The following MRFAP1L2 variants were observed in gnomAD, a reference collection of about 807,000 sequenced individuals.
MRFAP1L2 encodes the protein Morf4 family associated protein 1 like 2.
the MRFAP1L2 span, chr4:6,674,198 A>C: frequency 2.3e-5 from 9 of 393,006 alleles, no homozygotes; most frequent in Admixed American, 9.0e-5. Flanking sequence ...GCGGGCTGGA[A>C]GAGGCGGCGG....
the MRFAP1L2 span, chr4:6,674,341 G>A: frequency 1.6e-6 from 1 of 633,034 alleles, no homozygotes; most frequent in South Asian, 1.7e-5. Context: ...GGGCGCACTG[G>A]CGGGCCCGCA....
At chr4:6,674,826 A>G in the MRFAP1L2 span, 1 of 431,366 alleles carries the variant, frequency 2.3e-6, no homozygotes, top group Non-Finnish European at 4.1e-6. Flanking sequence ...GCGGAGGTAC[A>G]TGCTGGAAAC....
the MRFAP1L2 span, chr4:6,674,542 C>T: frequency 1.5e-6 from 1 of 664,660 alleles, no homozygotes; most frequent in Non-Finnish European, 2.7e-6. Flanking sequence ...TGGAGCTGCA[C>T]CAGCGGATCG....
At chr4:6,674,953 T>C in the MRFAP1L2 span, 1 of 176,250 alleles carries the variant, frequency 5.7e-6, no homozygotes, top group African/African-American at 2.4e-5. Context: ...AAGCTCAAAA[T>C]TTATGTTGTG....
chr4:6,675,669 G>C, the MRFAP1L2 span: 2 of 152,204 alleles, frequency 1.3e-5, no homozygotes, highest in African/African-American at 4.8e-5. Flanking sequence ...CGTGTAACCT[G>C]TCTGGTGAGC....
chr4:6,674,539 G>T, the MRFAP1L2 span: 1 of 665,368 alleles, frequency 1.5e-6, no homozygotes, highest in Non-Finnish European at 2.7e-6. Context: ...TCGTGGAGCT[G>T]CACCAGCGGA....
the MRFAP1L2 span, chr4:6,674,468 G>A: frequency 3.0e-6 from 2 of 662,760 alleles, no homozygotes; most frequent in Non-Finnish European, 5.4e-6. Flanking sequence ...GGAGCGGGTG[G>A]CTCGGCTGTG....
At chr4:6,674,465 G>T in the MRFAP1L2 span, 6 of 661,666 alleles carry the variant, frequency 9.1e-6, no homozygotes, top group Non-Finnish European at 1.6e-5. Flanking sequence ...TGAGGAGCGG[G>T]TGGCTCGGCT....
the MRFAP1L2 span, chr4:6,674,439 G>C: frequency 7.6e-6 from 5 of 656,728 alleles, no homozygotes; most frequent in African/African-American, 1.9e-5. Context: ...CCAGCACCCC[G>C]CCCGCGTGCG....
chr4:6,674,323 G>C, the MRFAP1L2 span: 1 of 620,460 alleles, frequency 1.6e-6, no homozygotes. Context: ...TGGAGCGCGA[G>C]CGCGCCCGGG....
At chr4:6,674,825 C>G in the MRFAP1L2 span, 1 of 435,868 alleles carries the variant, frequency 2.3e-6, no homozygotes. Flanking sequence ...AGCGGAGGTA[C>G]ATGCTGGAAA....
At chr4:6,674,804 G>A in the MRFAP1L2 span, 1 of 466,768 alleles carries the variant, frequency 2.1e-6, no homozygotes, top group Non-Finnish European at 3.8e-6. Flanking sequence ...CGTGGGGGGA[G>A]AGAGGTGTGA....
At chr4:6,674,802 G>T in the MRFAP1L2 span, 2 of 468,498 alleles carry the variant, frequency 4.3e-6, no homozygotes, top group Non-Finnish European at 7.5e-6. Context: ...TACGTGGGGG[G>T]AGAGAGGTGT....
chr4:6,674,470 T>C, the MRFAP1L2 span: 1 of 662,942 alleles, frequency 1.5e-6, no homozygotes, highest in Non-Finnish European at 2.7e-6. Context: ...AGCGGGTGGC[T>C]CGGCTGTGCG....
the MRFAP1L2 span, chr4:6,675,160 T>G: frequency 6.6e-6 from 1 of 152,258 alleles, no homozygotes; most frequent in African/African-American, 2.4e-5. Flanking sequence ...CAGCATTAGA[T>G]GGTCAGGTGT....
the MRFAP1L2 span, chr4:6,674,446 T>C: frequency 1.5e-6 from 1 of 656,960 alleles, no homozygotes; most frequent in Non-Finnish European, 2.7e-6. Flanking sequence ...CCCGCCCGCG[T>C]GCGGAGGCTG....
At chr4:6,674,147 G>C in the MRFAP1L2 span, 2 of 386,052 alleles carry the variant, frequency 5.2e-6, no homozygotes, top group African/African-American at 4.2e-5. Flanking sequence ...TGACAGCGAG[G>C]CTTCCGCGCT....
At chr4:6,675,245 C>T in the MRFAP1L2 span, 1 of 152,216 alleles carries the variant, frequency 6.6e-6, no homozygotes, top group African/African-American at 2.4e-5. Context: ...GGAATATGGC[C>T]TATACAGTAC....
the MRFAP1L2 span, chr4:6,674,181 G>C: frequency 7.6e-4 from 298 of 390,866 alleles, 1 homozygote; most frequent in African/African-American, 5.6e-3. Flanking sequence ...CAGCCCCGGC[G>C]TGCCCCGCGG....
Sources: gnomAD v4.1 joint callset for allele counts on GRCh38, gnomAD v4.1.1 for gene constraint, MANE v1.5 for transcripts, NCBI Gene and HGNC (gene_info 2026-07-23, HGNC 2026-07-21) for gene names.